CDYL2: variants seen among roughly 807,000 people sequenced by gnomAD.
The protein encoded by CDYL2 is chromodomain Y-like protein 2.
CDYL2 carries 23 observed loss-of-function variants against 49.4 expected under a neutral mutation model. The observed-to-expected ratio is 0.47, with a 90% CI of 0.34 to 0.66. CDYL2 has a LOEUF of 0.66. Among genes scored for constraint, CDYL2 ranks in the 30% least tolerant of loss-of-function variants. The pLI is 0.01. For missense variants in CDYL2, 678 were observed against 656.4 expected, an observed-to-expected ratio of 1.03 and a Z score of -0.36; for synonymous variants, 360 against 268.8, an observed-to-expected ratio of 1.34 and a Z score of -3.32.
rs749224425 is a variant in CDYL2, at chr16:80,612,674, A to G, written c.1170T>C (p.Pro390=). 1.5e-5 allele frequency: 24 copies of G among 1,613,054 alleles called. 1 individual carries two copies. The South Asian group carries it at 2.4e-4, about 16-fold the overall frequency. The stretch of plus-strand genomic sequence containing the variant: ...GGAAGGTGTAGGAGGAGCAGCCAGC[A>G]GGCGTGAGGCGGATGGTGGCGTAGG... ...QTPYATIRLT[P]AGCSSYTFPQ... The change falls in exon 5 of 7, where the codon CCT becomes CCC. Residue 390 remains proline, a synonymous_variant. Transcript: ENST00000570137. The surrounding 1 kb of genome is among the most constrained non-coding windows in gnomAD (Gnocchi z 5.0).
intron 2 of CDYL2, among the ~76,000 whole-genome samples, chr16:80,670,652 G>A (rs1004530467): frequency 4.6e-5 from 7 of 152,118 alleles, no homozygotes; most frequent in South Asian, 2.1e-4. Flanking sequence ...CCGGGGCTCC[G>A]TGGACGGCAA....
chr16:80,676,022 C>T (rs995471159), intron 2 of CDYL2, among the ~76,000 whole-genome samples: 2 of 152,094 alleles, frequency 1.3e-5, no homozygotes, highest in African/African-American at 4.8e-5. Context: ...AAATCAAATC[C>T]AGAATTCAGG....
chr16:80,733,507 CTCTT>C (rs1905405938), intron 1 of CDYL2, among the ~76,000 whole-genome samples: 1 of 152,182 alleles, frequency 6.6e-6, no homozygotes, highest in African/African-American at 2.4e-5. Flanking sequence ...TCTGTGTCCT[CTCTT>C]TATACGCAGT....
Position 80,608,125 on chromosome 16 carries a change from C to T in CDYL2, c.1329G>A (p.Leu443=). 1 of 1,603,458 alleles carries T rather than the reference C, an allele frequency of 6.2e-7. No individual in the cohort carries two copies. Among genetic ancestry groups the T allele is most frequent in the Non-Finnish European group, 8.5e-7 (1 of 1,175,072 alleles). The part of the protein sequence containing the change: ...WPTTFSQEVM[L]RVKEMASCSA... ...TGCAGGATGCCATCTCCTTGACCCG[C>T]AGCATGACCTCCTGGCTGAACGTGG... Residue 443 remains leucine (L), a synonymous_variant, in exon 6 of 7, where the codon CTG becomes CTA. Transcript: ENST00000570137.
chr16:80,639,470 G>A (rs1394974314), intron 2 of CDYL2, among the ~76,000 whole-genome samples: 2 of 152,140 alleles, frequency 1.3e-5, no homozygotes, highest in Non-Finnish European at 2.9e-5. Flanking sequence ...AATAAGTGAA[G>A]GGATAAACAA....
intron 1 of CDYL2, among the ~76,000 whole-genome samples, chr16:80,759,444 T>C (rs552732001): frequency 1.9e-4 from 29 of 152,170 alleles, no homozygotes; most frequent in African/African-American, 7.0e-4. Flanking sequence ...CAAATGTGTA[T>C]TGTCAGGAAA....
At chr16:80,775,679 C>T (rs1252930821) in intron 1 of CDYL2, among the ~76,000 whole-genome samples, 1 of 151,726 alleles carries the variant, frequency 6.6e-6, no homozygotes, top group Admixed American at 6.6e-5. Context: ...TAATTTGAAA[C>T]ATATCAATAT....
intron 1 of CDYL2, among the ~76,000 whole-genome samples, chr16:80,692,469 A>C (rs768145689): frequency 6.6e-6 from 1 of 152,220 alleles, no homozygotes; most frequent in Non-Finnish European, 1.5e-5. Flanking sequence ...CATTTAAAAC[A>C]TGACTCAAAC....
At chr16:80,732,273 G>A (rs1392049152) in intron 1 of CDYL2, among the ~76,000 whole-genome samples, 1 of 151,648 alleles carries the variant, frequency 6.6e-6, no homozygotes, top group Non-Finnish European at 1.5e-5. Flanking sequence ...GAGTATCATA[G>A]TTTAATGGGC....
intron 1 of CDYL2, among the ~76,000 whole-genome samples, chr16:80,699,609 G>A (rs1018623448): frequency 2.0e-5 from 3 of 152,130 alleles, no homozygotes; most frequent in Admixed American, 1.3e-4. Context: ...AGCACTGTAA[G>A]GTGAATATAG....
At chr16:80,694,257 C>T (rs1333446301) in intron 1 of CDYL2, among the ~76,000 whole-genome samples, 1 of 152,210 alleles carries the variant, frequency 6.6e-6, no homozygotes, top group Non-Finnish European at 1.5e-5. Context: ...AGGCGGAGCT[C>T]AGGTGGTAAT....
Position 80,686,973 on chromosome 16 carries a change from C to T in CDYL2, c.25-1844G>A, listed in dbSNP as rs1405090341. On this transcript the variant is annotated intron_variant, in intron 1 of 6. Transcript: ENST00000570137. ...TGTAACATTTTTGAAAAAGTAAAAT[C>T]ATGCCTAACTAATCCAATATCCAAC... is the stretch of plus-strand genomic sequence containing the variant. Among the ~76,000 whole-genome samples the T allele has an allele frequency of 2.0e-5, 3 of 152,218 alleles. No individual in the cohort carries two copies. The East Asian group carries it at 5.8e-4, about 29-fold the overall frequency.
intron 1 of CDYL2, among the ~76,000 whole-genome samples, chr16:80,717,881 A>G (rs935494561): frequency 1.3e-5 from 2 of 152,216 alleles, no homozygotes; most frequent in African/African-American, 2.4e-5. Flanking sequence ...GTTATCCCAC[A>G]TGGTTCGTGG....
chr16:80,617,864 T>C (rs1261102309), intron 4 of CDYL2, among the ~76,000 whole-genome samples: 1 of 152,188 alleles, frequency 6.6e-6, no homozygotes, highest in East Asian at 1.9e-4. Flanking sequence ...CTGGTTAGCA[T>C]AGGGCGGGTG....
At chr16:80,608,340 T>A (rs1309981645) in intron 5 of CDYL2, 105 bp from the exon 6 acceptor site, 15 of 1,249,102 alleles carry the variant, frequency 1.2e-5, no homozygotes, top group East Asian at 2.7e-5. Context: ...CTGGAAGGCA[T>A]CTTGCCTTCC....
chr16:80,709,104 C>A (rs1904501061), intron 1 of CDYL2, among the ~76,000 whole-genome samples: 1 of 152,182 alleles, frequency 6.6e-6, no homozygotes, highest in Non-Finnish European at 1.5e-5. Flanking sequence ...ACAAATTTAG[C>A]CAGGCCTGGT....
In CDYL2 at chr16:80,612,597, C is replaced by T. The variant is rs1225262834; in HGVS notation, c.1218+29G>A. 6.4e-7 allele frequency: 1 copy of T among 1,570,662 alleles called. No individual in the cohort carries two copies. Among genetic ancestry groups the T allele is most frequent in the African/African-American group, 1.4e-5 (1 of 73,902 alleles). ...AGGCAGAGGAAGGATCCTGCTGGGA[C>T]CCGAATCCAGGTATCACAGGAGGCT... On this transcript the variant is annotated intron_variant, in intron 5 of 6. Transcript: ENST00000570137. This position sits in a 1 kb window ranked among gnomAD's most constrained non-coding sequence, Gnocchi z 5.0.
chr16:80,642,597 G>A (rs1377622566), intron 2 of CDYL2, among the ~76,000 whole-genome samples: 1 of 152,112 alleles, frequency 6.6e-6, no homozygotes, highest in Non-Finnish European at 1.5e-5. Context: ...GGTAGACTGG[G>A]AAGAAAAAGA....
intron 2 of CDYL2, among the ~76,000 whole-genome samples, chr16:80,666,698 C>T (rs558868744): frequency 6.6e-6 from 1 of 152,228 alleles, no homozygotes; most frequent in African/African-American, 2.4e-5. Flanking sequence ...AAGCCAACAC[C>T]CAGGACAACT....
Sources: gnomAD v4.1 joint callset for allele counts (sites outside exome capture counted in the v4.1 genomes callset) on GRCh38, gnomAD v4.1.1 for gene constraint, Gnocchi (gnomAD v3.1) non-coding constraint, MANE v1.5 for transcripts, NCBI Gene and HGNC (gene_info 2026-07-23, HGNC 2026-07-21) for gene names.